Variants in CPSF1 observed in about 807,000 individuals in gnomAD.
CPSF1 encodes the protein cleavage and polyadenylation specificity factor subunit 1.
In CPSF1, 106 loss-of-function variants were observed where a neutral mutation model predicts 175.8. The observed-to-expected ratio is 0.60, with a 90% CI of 0.52 to 0.71. The LOEUF (loss-of-function observed/expected upper bound fraction) is 0.71. Ranked by LOEUF, CPSF1 falls within the 30% of genes least tolerant of loss-of-function variation. CPSF1 has a pLI of 0.00. For missense variants in CPSF1, 1,734 were observed against 2,022.9 expected, an observed-to-expected ratio of 0.86 and a Z score of 2.74; for synonymous variants, 1,024 against 858.3, an observed-to-expected ratio of 1.19 and a Z score of -3.37.
In CPSF1 at chr8:144,399,310, T is replaced by G. The variant is rs2116861275; in HGVS notation, c.1358A>C (p.Gln453Pro). The G allele has an allele frequency of 6.2e-7, 1 of 1,612,392 alleles. No homozygotes were observed. Among genetic ancestry groups the G allele is most frequent in the Non-Finnish European group, 8.5e-7 (1 of 1,179,982 alleles). The part of the protein sequence containing the change: ...DEIEVYGSEA[Q>P]SGTQLATYSF... ...GTAGGTGGCCAGCTGTGTTCCCGAC[T>G]GGGCCTCGCTGCCGTACACTTCAAT... is the stretch of plus-strand genomic sequence containing the variant. The change falls in exon 14 of 38, where the codon CAG becomes CCG. Residue 453 changes from glutamine (Q) to proline (P), a missense_variant. This residue lies in a region of CPSF1 where 280 missense variants were observed against 349.2 expected (regional missense o/e 0.80). Transcript: ENST00000616140. This position sits in a 1 kb window ranked among gnomAD's most constrained non-coding sequence, Gnocchi z 6.4.
intron 24 of CPSF1, 32 bp downstream of exon 24, chr8:144,396,808 A>T: frequency 7.4e-6 from 12 of 1,611,934 alleles, no homozygotes; most frequent in Non-Finnish European, 1.0e-5. Context: ...TACCACACCC[A>T]CCCCACGCCC....
chr8:144,406,200 G>A (rs1025705285), intron 2 of CPSF1, among the ~76,000 whole-genome samples: 7 of 152,172 alleles, frequency 4.6e-5, no homozygotes, highest in African/African-American at 1.7e-4. Flanking sequence ...CTCTTTTCCT[G>A]CTATTTATGG....
In CPSF1 at chr8:144,395,142, G is replaced by A. The variant is rs1554863207; in HGVS notation, c.3228C>T (p.Ile1076=). Residue 1076 remains isoleucine, a synonymous_variant, in exon 29 of 38, where the codon ATC becomes ATT. Transcript: ENST00000616140. The part of the protein sequence containing the change: ...YIHPQQEAFS[I]QLISPVSWEA... Reference sequence around the variant, plus strand: ...CCCAGCTGACCGGGGAGATGAGCTGGATGGAGAAGGCCTCCTGCTGGGGGT... The same window carrying A: ...CCCAGCTGACCGGGGAGATGAGCTGAATGGAGAAGGCCTCCTGCTGGGGGT... The A allele has an allele frequency of 1.9e-6, 3 of 1,612,636 alleles. No individual in the cohort carries two copies. Among genetic ancestry groups the A allele is most frequent in the Admixed American group, 1.7e-5 (1 of 59,974 alleles).
In CPSF1 at chr8:144,394,629, G is replaced by C. The variant is rs567207442; in HGVS notation, c.3567+15C>G. ...GGGTGAGCCGGGGGACACACGCCGG[G>C]TGGGACTGGCACACCTTCTGGCCGA... On this transcript the variant is annotated intron_variant, in intron 31 of 37. Transcript: ENST00000616140. The C allele has an allele frequency of 4.4e-6, 7 of 1,603,802 alleles. No individual in the cohort carries two copies. The highest frequency in any genetic ancestry group is 3.3e-4 in the Middle Eastern group (2 of 6,028).
chr8:144,395,777 CAG>C (rs1302928280), intron 26 of CPSF1: 32 of 590,662 alleles, frequency 5.4e-5, no homozygotes, highest in Non-Finnish European at 8.5e-5. Context: ...GTGCTGGCCA[CAG>C]GGGATGGGAA....
Position 144,398,144 on chromosome 8 carries a change from G to T in CPSF1, c.1895-12C>A. 2 of 1,447,776 alleles carry T rather than the reference G, an allele frequency of 1.4e-6. No individual in the cohort carries two copies. The highest frequency in any genetic ancestry group is 1.5e-5 in the South Asian group (1 of 68,716). The allele number at this position is 1,447,776 out of a possible 1,614,324, so 89.7% of individuals were successfully genotyped here. On this transcript the variant is annotated splice_polypyrimidine_tract_variant and intron_variant, in intron 19 of 37. Coordinates refer to ENST00000616140, the MANE Select transcript of CPSF1 (RefSeq NM_013291.3). ...GTGCAGCTGATTCACTGTAGGCATG[G>T]GGCAGTCAGCATGCGCCTCCCCACC...
intron 7 of CPSF1, 84 bp downstream of exon 7, chr8:144,400,587 C>A: frequency 6.2e-7 from 1 of 1,602,640 alleles, no homozygotes; most frequent in South Asian, 1.1e-5. Context: ...CCCCATAGGC[C>A]CCGCCCTAAA....
Position 144,394,563 on chromosome 8 carries a change from C to T in CPSF1, c.3568-8G>A, listed in dbSNP as rs782211136. 5.6e-6 allele frequency: 9 copies of T among 1,606,796 alleles called. No individual in the cohort carries two copies. The highest frequency in any genetic ancestry group is 1.6e-4 in the Middle Eastern group (1 of 6,068). On this transcript the variant is annotated splice_region_variant and splice_polypyrimidine_tract_variant and intron_variant, in intron 31 of 37. Coordinates refer to ENST00000616140, the MANE Select transcript of CPSF1 (RefSeq NM_013291.3). ...CAGGCTCCACAGGAAAATCTGGGGG[C>T]GAGGGCGAGGGTGAGCGGGCGCGGA...
chr8:144,396,670 T>C lies in CPSF1; in HGVS notation c.2754A>G (p.Ala918=). 2 of 1,613,890 alleles carry C rather than the reference T, an allele frequency of 1.2e-6. No homozygotes were observed. Among genetic ancestry groups the C allele is most frequent in the African/African-American group, 1.3e-5 (1 of 75,054 alleles). The part of the protein sequence containing the change: ...PSKKKAEGGG[A]EEGAGARGRV... ...GGCCCCGGGCCCCAGCCCCCTCCTC[T>C]GCGCCGCCACCTTCTGCTTTCTTCT... The change falls in exon 25 of 38, where the codon GCA becomes GCG. Residue 918 remains alanine (A), a synonymous_variant. Transcript: ENST00000616140.
At chr8:144,402,296 GTTTT>G (rs548083200) in intron 2 of CPSF1, among the ~76,000 whole-genome samples, 1 of 150,834 alleles carries the variant, frequency 6.6e-6, no homozygotes, top group African/African-American at 2.4e-5. Flanking sequence ...TTTTTGTTTT[GTTTT>G]TTTTTGTTTT....
Position 144,396,941 on chromosome 8 carries a change from A to G in CPSF1, c.2593-12T>C. On this transcript the variant is annotated splice_polypyrimidine_tract_variant and intron_variant, in intron 23 of 37. Coordinates refer to ENST00000616140, the MANE Select transcript of CPSF1 (RefSeq NM_013291.3). ...TGGTCCACATGCACCTGGCAGGATG[A>G]GGGGAGCCATGGGGGAACGGGCAGG... 1.9e-6 allele frequency: 3 copies of G among 1,600,106 alleles called. No homozygotes were observed. The highest frequency in any genetic ancestry group is 1.7e-6 in the Non-Finnish European group (2 of 1,169,230).
Position 144,399,024 on chromosome 8 carries a change from G to C in CPSF1, c.1482C>G (p.Pro494=), listed in dbSNP as rs2116857265. 2 of 1,602,758 alleles carry C rather than the reference G, an allele frequency of 1.2e-6. No homozygotes were observed. The highest frequency in any genetic ancestry group is 1.7e-6 in the Non-Finnish European group (2 of 1,175,198). ...AAACCACAATCTCCAGGTCCGGCTCGGGGCTGTTCTGAAACTGCACAGGAC... is the reference window on the plus strand; with the variant it reads ...AAACCACAATCTCCAGGTCCGGCTCCGGGCTGTTCTGAAACTGCACAGGAC... ...AFLSEEFQNS[P]EPDLEIVVCS... is the part of the protein sequence containing the mutation. Residue 494 remains proline (P), a synonymous_variant, in exon 16 of 38, where the codon CCC becomes CCG. Coordinates refer to ENST00000616140, the MANE Select transcript of CPSF1 (RefSeq NM_013291.3). The surrounding 1 kb of genome is among the most constrained non-coding windows in gnomAD (Gnocchi z 6.4).
At position 144,399,933 on chromosome 8, in the gene CPSF1, C is replaced by A. The variant is rs1821060406; in HGVS notation, c.1031+59G>T. ...TGGGGGAGTGAAGGGGGCCAGGGGA[C>A]CCTACAGGACTTGTGGGGGGCGGTG... On this transcript the variant is annotated intron_variant, in intron 10 of 37. Coordinates refer to ENST00000616140, the MANE Select transcript of CPSF1 (RefSeq NM_013291.3). This position sits in a 1 kb window ranked among gnomAD's most constrained non-coding sequence, Gnocchi z 6.4. 18 of 1,584,472 alleles carry A rather than the reference C, an allele frequency of 1.1e-5. 3 individuals are homozygous for A. In the South Asian group the frequency reaches 2.0e-4, roughly 18 times the overall value.
chr8:144,404,061 A>C (rs1554868208), intron 2 of CPSF1, among the ~76,000 whole-genome samples: 1 of 151,412 alleles, frequency 6.6e-6, no homozygotes, highest in East Asian at 2.0e-4. Flanking sequence ...CGTCTCTACT[A>C]AAAATACAAA....
In CPSF1 at chr8:144,393,327, G is replaced by A. The variant is rs782601836; in HGVS notation, c.4323C>T (p.Ala1441=). Residue 1441 remains alanine (A), a synonymous_variant, in exon 38 of 38, where the codon GCC becomes GCT. Transcript: ENST00000616140. ...DDLLETDRVT[A]HF Reference sequence around the variant, plus strand: ...GACGGCATCCACGGGGCTAGAAGTGGGCGGTGACGCGGTCCGTCTCCAGCA... The same window carrying A: ...GACGGCATCCACGGGGCTAGAAGTGAGCGGTGACGCGGTCCGTCTCCAGCA... The A allele has an allele frequency of 4.5e-5, 68 of 1,500,432 alleles. 1 individual carries two copies. The Admixed American group carries it at 7.9e-4, about 17-fold the overall frequency. The allele number at this position is 1,500,432 out of a possible 1,614,324, so 92.9% of individuals were successfully genotyped here.
In CPSF1 at chr8:144,393,690, G is replaced by A. The variant is rs782105951; in HGVS notation, c.4122C>T (p.Ala1374=). The change falls in exon 36 of 38, where the codon GCC becomes GCT. Residue 1374 remains alanine (A), a synonymous_variant. Transcript: ENST00000616140. Reference sequence around the variant, plus strand: ...ACCGGAAGGCGCGGGGGTTGAGGCCGGCGTGGTGTGGCAGCATGGTGGTCA... The same window carrying A: ...ACCGGAAGGCGCGGGGGTTGAGGCCAGCGTGGTGTGGCAGCATGGTGGTCA... ...NALTTMLPHH[A]GLNPRAFRML... 2.4e-5 allele frequency: 38 copies of A among 1,562,102 alleles called. No individual in the cohort carries two copies. The highest frequency in any genetic ancestry group is 3.1e-5 in the Non-Finnish European group (36 of 1,160,644).
chr8:144,396,601 T>C lies in CPSF1; in HGVS notation c.2823A>G (p.Ser941=), dbSNP rs149697432. 1.9e-6 allele frequency: 3 copies of C among 1,612,356 alleles called. No individual in the cohort carries two copies. The highest frequency in any genetic ancestry group is 1.3e-5 in the African/African-American group (1 of 74,890). The part of the protein sequence containing the change: ...FRYFEDIYGY[S]GVFICGPSPH... ...CCCTGCAAAGGCGCTGGCCTACCCC[T>C]GAGTAGCCATAAATATCCTCGAAGT... Residue 941 remains serine (S), a synonymous_variant, in exon 25 of 38, where the codon TCA becomes TCG. Transcript: ENST00000616140.
At chr8:144,400,135 G>GGCGCCCCCCCCCCCCCC in intron 9 of CPSF1, 31 bp downstream of exon 9, 1 of 896,010 alleles carries the variant, frequency 1.1e-6, no homozygotes, top group Non-Finnish European at 1.6e-6. Flanking sequence ...CCGTCCCCGG[G>GGCGCCCCCCCCCCCCCC]CCCCCCCCGC....
chr8:144,399,431 C>G lies in CPSF1; in HGVS notation c.1294+21G>C, dbSNP rs1554865556. On this transcript the variant is annotated intron_variant, in intron 13 of 37. Coordinates refer to ENST00000616140, the MANE Select transcript of CPSF1 (RefSeq NM_013291.3). This position sits in a 1 kb window ranked among gnomAD's most constrained non-coding sequence, Gnocchi z 6.4. Reference sequence around the variant, plus strand: ...TGGGTCACCTGGCCCCGCTCCTGACCAGCCCTGGACCGGCCCTCACCTGAC... The same window carrying G: ...TGGGTCACCTGGCCCCGCTCCTGACGAGCCCTGGACCGGCCCTCACCTGAC... The G allele has an allele frequency of 6.2e-7, 1 of 1,612,878 alleles. No homozygotes were observed. Among genetic ancestry groups the G allele is most frequent in the East Asian group, 2.2e-5 (1 of 44,888 alleles).
Sources: gnomAD v4.1 joint callset for allele counts (sites outside exome capture counted in the v4.1 genomes callset) on GRCh38, gnomAD v4.1.1 for gene constraint, gnomAD v4.1.1 regional missense constraint, Gnocchi (gnomAD v3.1) non-coding constraint, MANE v1.5 for transcripts, NCBI Gene and HGNC (gene_info 2026-07-23, HGNC 2026-07-21) for gene names.